Variants in MTMR7 observed in about 807,000 individuals in gnomAD.
MTMR7 encodes the protein phosphatidylinositol-3-phosphate phosphatase MTMR7.
In MTMR7, 76 loss-of-function variants were observed where a neutral mutation model predicts 81.2. The ratio of observed to expected loss-of-function variants is 0.94; its 90% CI spans 0.78 to 1.13. MTMR7 has a LOEUF of 1.13. Among genes scored for constraint, MTMR7 ranks in the 50% most tolerant of loss-of-function variants. The pLI, the probability that MTMR7 is intolerant of heterozygous loss-of-function variation, is 0.00. For synonymous variants in MTMR7, 372 were observed against 289.8 expected (o/e 1.28, Z -2.88); for missense variants, 1,044 against 820.0 (o/e 1.27, Z -3.34).
intron 1 of MTMR7, among the ~76,000 whole-genome samples, chr8:17,375,125 C>A (rs966159905): frequency 6.6e-6 from 1 of 152,096 alleles, no homozygotes; most frequent in Non-Finnish European, 1.5e-5. Flanking sequence ...TGGTCCTGAT[C>A]TAGTTTGGGA....
intron 1 of MTMR7, among the ~76,000 whole-genome samples, chr8:17,391,681 G>A (rs762616872): frequency 1.8e-4 from 28 of 152,276 alleles, no homozygotes; most frequent in Admixed American, 7.2e-4. Context: ...CTTGTTCTAA[G>A]TAATGTGTGC....
intron 4 of MTMR7, among the ~76,000 whole-genome samples, chr8:17,351,631 G>A (rs368495766): frequency 9.9e-5 from 15 of 152,222 alleles, no homozygotes; most frequent in African/African-American, 3.1e-4. Context: ...AGATGTGGAG[G>A]CCTCCCCTCT....
At chr8:17,346,746 C>G (rs1303992576) in intron 5 of MTMR7, among the ~76,000 whole-genome samples, 3 of 151,392 alleles carry the variant, frequency 2.0e-5, no homozygotes, top group African/African-American at 7.3e-5. Context: ...AATAAAAGAT[C>G]GTTTCTCCCT....
At chr8:17,382,979 C>A (rs535826343) in intron 1 of MTMR7, among the ~76,000 whole-genome samples, 1 of 152,200 alleles carries the variant, frequency 6.6e-6, no homozygotes, top group Admixed American at 6.5e-5. Flanking sequence ...GGGCACCAAA[C>A]TGTCAGGACA....
At position 17,373,231 on chromosome 8, in the gene MTMR7, C is replaced by T. The variant is rs566370528; in HGVS notation, c.34G>A (p.Val12Ile). 1.2e-6 allele frequency: 2 copies of T among 1,610,806 alleles called. No individual in the cohort carries two copies. The highest frequency in any genetic ancestry group is 1.1e-5 in the South Asian group (1 of 90,196). ...GGAGACACTCGATCTACCAAGCGGA[C>T]ATTTTCAACCTAGAGAAATCGGCAT... The part of the protein sequence containing the change: ...EHIRTPKVEN[V>I]RLVDRVSPKK... Residue 12 changes from valine to isoleucine, a missense_variant, in exon 2 of 14, where the codon GTC becomes ATC. Val to Ile is a conservative substitution (Grantham distance 29). Transcript: ENST00000180173.
chr8:17,355,950 C>T (rs1819877222), intron 4 of MTMR7, among the ~76,000 whole-genome samples: 7 of 152,078 alleles, frequency 4.6e-5, no homozygotes, highest in Admixed American at 3.3e-4. Context: ...ATAAATGAAA[C>T]AATACCAAAA....
At chr8:17,349,278 A>G (rs28652774) in intron 4 of MTMR7, 197 bp from the exon 5 acceptor site, 83,345 of 544,678 alleles carry the variant, frequency 0.15, 15,138 homozygotes, top group East Asian at 0.72. Flanking sequence ...ATCATTCTGA[A>G]GGAACGCAAG....
intron 3 of MTMR7, among the ~76,000 whole-genome samples, chr8:17,368,746 A>C (rs1325785127): frequency 6.6e-6 from 1 of 152,160 alleles, no homozygotes; most frequent in Non-Finnish European, 1.5e-5. Context: ...AAAGCACTAC[A>C]TTTTAGGCAA....
At chr8:17,357,972 T>C (rs564657593) in intron 4 of MTMR7, among the ~76,000 whole-genome samples, 157 of 152,182 alleles carry the variant, frequency 1.0e-3, no homozygotes, top group African/African-American at 3.6e-3. Flanking sequence ...AGATACTCAG[T>C]GGAGGAAAAG....
intron 13 of MTMR7, chr8:17,301,768 A>G: frequency 4.4e-6 from 1 of 226,592 alleles, no homozygotes; most frequent in Non-Finnish European, 8.5e-6. Flanking sequence ...ATAGATTAAT[A>G]TCATAGTTAA....
In MTMR7 at chr8:17,298,429, A is replaced by T. The variant is rs1816882703; in HGVS notation, c.*1433T>A. The T allele has an allele frequency of 6.6e-6, 1 of 152,240 alleles. No individual in the cohort carries two copies. The highest frequency in any genetic ancestry group is 1.5e-5 in the Non-Finnish European group (1 of 67,950). The allele number at this position is 152,240 out of a possible 1,614,324, so 9.4% of individuals were successfully genotyped here. A position where few individuals can be genotyped will look rare whatever the true frequency, so the allele number is the denominator to read the frequency against. ...TTTTAAATATGATGAACACAATTAA[A>T]TGTTTTCATTTATATATATTGCAAC... On this transcript the variant is annotated 3_prime_UTR_variant, in exon 14 of 14. Transcript: ENST00000180173.
chr8:17,312,172 C>T (rs373436977), intron 8 of MTMR7, among the ~76,000 whole-genome samples: 1 of 152,342 alleles, frequency 6.6e-6, no homozygotes, highest in African/African-American at 2.4e-5. Context: ...TGCAAATGCA[C>T]ATCATTTTTT....
In MTMR7 at chr8:17,349,051, C is replaced by G. The variant is rs373920476; in HGVS notation, c.499G>C (p.Val167Leu). 1 of 1,612,272 alleles carries G rather than the reference C, an allele frequency of 6.2e-7. No homozygotes were observed. The highest frequency in any genetic ancestry group is 1.7e-5 in the Admixed American group (1 of 59,672). The part of the protein sequence containing the change: ...VCDSYPTELY[V>L]PKSATAHIIV... Reference sequence around the variant, plus strand: ...ATGTGTGCCGTGGCCGATTTGGGAACGTACAGTTCAGTAGGATAAGAGTCA... The same window carrying G: ...ATGTGTGCCGTGGCCGATTTGGGAAGGTACAGTTCAGTAGGATAAGAGTCA... Residue 167 changes from valine to leucine, a missense_variant, in exon 5 of 14, where the codon GTT becomes CTT. Physicochemically the swap from Val to Leu is conservative, Grantham distance 32. Coordinates refer to ENST00000180173, the MANE Select transcript of MTMR7 (RefSeq NM_004686.5).
At chr8:17,303,600 T>G (rs1158006983) in intron 12 of MTMR7, among the ~76,000 whole-genome samples, 1 of 131,004 alleles carries the variant, frequency 7.6e-6, no homozygotes, top group Non-Finnish European at 1.6e-5. Flanking sequence ...ATTCTCCCCA[T>G]ACATACAATC....
chr8:17,333,068 G>A (rs899029669), intron 6 of MTMR7, among the ~76,000 whole-genome samples: 4 of 152,172 alleles, frequency 2.6e-5, no homozygotes, highest in African/African-American at 4.8e-5. Flanking sequence ...CATTGCCATA[G>A]GAGCCCAGGC....
Position 17,349,091 on chromosome 8 carries a change from G to A in MTMR7, c.469-10C>T. 3.1e-6 allele frequency: 5 copies of A among 1,610,062 alleles called. No homozygotes were observed. Among genetic ancestry groups the A allele is most frequent in the Non-Finnish European group, 4.2e-6 (5 of 1,178,980 alleles). On this transcript the variant is annotated splice_polypyrimidine_tract_variant and intron_variant, in intron 4 of 13. Coordinates refer to ENST00000180173, the MANE Select transcript of MTMR7 (RefSeq NM_004686.5). The stretch of plus-strand genomic sequence containing the variant: ...GATAAGAGTCACAGACCTGTCACCA[G>A]AAAATACAAAGAGATTTTTAGGCCA...
At chr8:17,348,664 A>C (rs1193932114) in intron 5 of MTMR7, among the ~76,000 whole-genome samples, 1 of 152,074 alleles carries the variant, frequency 6.6e-6, no homozygotes, top group Non-Finnish European at 1.5e-5. Flanking sequence ...AGAGATTCCC[A>C]AGGTGCCCAC....
rs367661233 is a variant in MTMR7, at chr8:17,325,516, T to C, written c.865+5634A>G. Among the ~76,000 whole-genome samples the C allele has an allele frequency of 3.9e-5, 6 of 152,316 alleles. No homozygotes were observed. The South Asian group carries it at 6.2e-4, about 16-fold the overall frequency. ...AGGCCTGCTAAAAAGATTCCAGTCT[T>C]TTAGAATGGATCTGCTTGGCCCCCT... is the stretch of plus-strand genomic sequence containing the variant. On this transcript the variant is annotated intron_variant, in intron 7 of 13. Transcript: ENST00000180173.
rs780394804 is a variant in MTMR7, at chr8:17,304,534, A to G, written c.1353-15T>C. 13 of 1,610,646 alleles carry G rather than the reference A, an allele frequency of 8.1e-6. No homozygotes were observed. Among genetic ancestry groups the G allele is most frequent in the East Asian group, 2.2e-5 (1 of 44,806 alleles). ...TTTCTTGAATCCTGTTATAAAGAAA[A>G]TAAGTCTATAAATGACCTATTTTGG... On this transcript the variant is annotated splice_polypyrimidine_tract_variant and intron_variant, in intron 11 of 13. Coordinates refer to ENST00000180173, the MANE Select transcript of MTMR7 (RefSeq NM_004686.5).
Sources: gnomAD v4.1 joint callset for allele counts (sites outside exome capture counted in the v4.1 genomes callset) on GRCh38, gnomAD v4.1.1 for gene constraint, MANE v1.5 for transcripts, NCBI Gene and HGNC (gene_info 2026-07-23, HGNC 2026-07-21) for gene names.